Variants in PPIL6 observed in about 807,000 individuals in gnomAD.
The protein encoded by PPIL6 is peptidylprolyl isomerase like 6, also known as probable inactive peptidyl-prolyl cis-trans isomerase-like 6.
A neutral mutation model predicts 36.8 loss-of-function variants in PPIL6; 39 were observed. That is an observed-to-expected ratio of 1.06 (90% CI 0.82 to 1.38). The LOEUF (loss-of-function observed/expected upper bound fraction) is 1.38. Among genes scored for constraint, PPIL6 ranks in the 40% most tolerant of loss-of-function variants. The probability of loss-of-function intolerance (pLI) is 0.00; values close to 1 mark genes in which losing one functional copy is unlikely to be tolerated. For synonymous variants in PPIL6, 123 were observed against 134.1 expected (o/e 0.92, Z 0.57); for missense variants, 368 against 379.1 (o/e 0.97, Z 0.24).
rs574910018 is a variant in PPIL6, at chr6:109,428,761, C to T, written c.421-1605G>A. Among the ~76,000 whole-genome samples the T allele has an allele frequency of 1.1e-4, 16 of 151,958 alleles. No homozygotes were observed. In the East Asian group the frequency reaches 3.1e-3, roughly 29 times the overall value. On this transcript the variant is annotated intron_variant, in intron 3 of 7. Coordinates refer to ENST00000521072, the MANE Select transcript of PPIL6 (RefSeq NM_173672.5). ...CCATACTAATTATAATTAATTTGTG[C>T]CTCTCAGCTTCTATACTACAAGTTT... is the stretch of plus-strand genomic sequence containing the variant.
intron 6 of PPIL6, among the ~76,000 whole-genome samples, chr6:109,405,223 T>C (rs928791629): frequency 1.3e-5 from 2 of 152,188 alleles, no homozygotes; most frequent in African/African-American, 4.8e-5. Context: ...AAGTTCCTTG[T>C]CAAGCCCCTC....
At chr6:109,400,961 G>A (rs953825531) in intron 6 of PPIL6, among the ~76,000 whole-genome samples, 1 of 151,292 alleles carries the variant, frequency 6.6e-6, no homozygotes, top group African/African-American at 2.4e-5. Context: ...CCGGGTTCAC[G>A]CCATTCTCCT....
chr6:109,436,611 CT>C (rs1163298228), intron 1 of PPIL6, among the ~76,000 whole-genome samples: 1 of 152,110 alleles, frequency 6.6e-6, no homozygotes, highest in Non-Finnish European at 1.5e-5. Flanking sequence ...ATCCCAGCTA[CT>C]TGGGAGGCTG....
At chr6:109,433,732 A>G (rs1341675625) in intron 2 of PPIL6, among the ~76,000 whole-genome samples, 2 of 152,228 alleles carry the variant, frequency 1.3e-5, no homozygotes, top group Non-Finnish European at 2.9e-5. Flanking sequence ...ACAAGACACA[A>G]TACTTACATT....
intron 1 of PPIL6, chr6:109,440,234 A>G (rs4945831): frequency 0.47 from 292,914 of 623,208 alleles, 71,722 homozygotes; most frequent in African/African-American, 0.71. Flanking sequence ...TCCCTTTAAA[A>G]GTCGCCAAGT....
At chr6:109,441,134 T>G, upstream of PPIL6, 3 of 1,614,090 alleles carry the variant, frequency 1.9e-6, no homozygotes, top group Admixed American at 1.7e-5. Context: ...GAAGCCCAAC[T>G]TCTCCCTGCG....
intron 6 of PPIL6, among the ~76,000 whole-genome samples, chr6:109,414,477 C>CTTTTTTTTTTTTTTTTTTTTTTTTTTTT (rs146541023): frequency 1.2e-5 from 1 of 86,512 alleles, no homozygotes; most frequent in Non-Finnish European, 2.0e-5. Context: ...TGTCTTTTAG[C>CTTTTTTTTTTTTTTTTTTTTTTTTTTTT]TTTTTTTTTT....
intron 6 of PPIL6, among the ~76,000 whole-genome samples, chr6:109,415,191 T>G (rs1773193876): frequency 6.6e-6 from 1 of 152,226 alleles, no homozygotes; most frequent in South Asian, 2.1e-4. Context: ...CATTATAATT[T>G]GTTTGACTTT....
chr6:109,430,703 G>A (rs1774095807), intron 3 of PPIL6, among the ~76,000 whole-genome samples: 1 of 152,202 alleles, frequency 6.6e-6, no homozygotes, highest in African/African-American at 2.4e-5. Context: ...GGGATTACAG[G>A]CATGAGCCAC....
intron 7 of PPIL6, among the ~76,000 whole-genome samples, chr6:109,398,834 G>T (rs1031238045): frequency 2.6e-5 from 4 of 152,172 alleles, no homozygotes; most frequent in East Asian, 1.9e-4. Context: ...TAGTAATAAA[G>T]AATTGATAAT....
rs1315993048 is a variant in PPIL6, at chr6:109,440,580, G to C, written c.11C>G (p.Pro4Arg). MAR[P>R]QPCGPPHARC... ...AGCGTGCGGGGGCCCGCACGGCTGC[G>C]GCCTTGCCATGGCCGCGCCCGGGGA... is the stretch of plus-strand genomic sequence containing the variant. Residue 4 changes from proline (P) to arginine (R), a missense_variant, in exon 1 of 8, where the codon CCG becomes CGG. Coordinates refer to ENST00000521072, the MANE Select transcript of PPIL6 (RefSeq NM_173672.5). The C allele has an allele frequency of 1.4e-6, 2 of 1,384,538 alleles. No individual in the cohort carries two copies. The highest frequency in any genetic ancestry group is 3.8e-5 in the Admixed American group (1 of 26,194). 85.8% of individuals were successfully genotyped at this position (1,384,538 alleles called of 1,614,324 possible). A position where few individuals can be genotyped will look rare whatever the true frequency, so the allele number is the denominator to read the frequency against.
intron 1 of PPIL6, among the ~76,000 whole-genome samples, chr6:109,437,743 C>G (rs570313437): frequency 6.6e-6 from 1 of 151,820 alleles, no homozygotes; most frequent in South Asian, 2.1e-4. Flanking sequence ...TTAGCAGAGA[C>G]GAGGTTTCAC....
intron 2 of PPIL6, among the ~76,000 whole-genome samples, chr6:109,434,316 G>C (rs759349927): frequency 5.3e-5 from 8 of 152,128 alleles, no homozygotes; most frequent in Non-Finnish European, 7.3e-5. Flanking sequence ...AACACTTTGG[G>C]AGGCCAAGGT....
chr6:109,440,567 C>A lies in PPIL6; in HGVS notation c.24G>T (p.Gly8=). Residue 8 remains glycine, a synonymous_variant, in exon 1 of 8, where the codon GGG becomes GGT. Coordinates refer to ENST00000521072, the MANE Select transcript of PPIL6 (RefSeq NM_173672.5). ...GCGAGCCGCACCTAGCGTGCGGGGG[C>A]CCGCACGGCTGCGGCCTTGCCATGG... The part of the protein sequence containing the change: MARPQPC[G]PPHARCGSPS... The A allele has an allele frequency of 1.4e-6, 2 of 1,443,156 alleles. No individual in the cohort carries two copies. The highest frequency in any genetic ancestry group is 1.8e-6 in the Non-Finnish European group (2 of 1,101,208). The allele number at this position is 1,443,156 out of a possible 1,614,324, so 89.4% of individuals were successfully genotyped here.
chr6:109,394,715 G>A lies in PPIL6; in HGVS notation c.825-1778C>T, dbSNP rs183579120. On this transcript the variant is annotated intron_variant, in intron 7 of 7. Coordinates refer to ENST00000521072, the MANE Select transcript of PPIL6 (RefSeq NM_173672.5). ...GACAACATTCTGAGGATGAAGGGCA[G>A]AGGATAAATAGATTCATTTCTGTCC... Among the ~76,000 whole-genome samples, 464 of 152,356 alleles carry A rather than the reference G, an allele frequency of 3.0e-3. 2 individuals are homozygous for A. Among genetic ancestry groups the A allele is most frequent in the African/African-American group, 0.01 (436 of 41,586 alleles).
At chr6:109,425,865 T>G (rs573027460) in intron 5 of PPIL6, among the ~76,000 whole-genome samples, 6 of 152,008 alleles carry the variant, frequency 3.9e-5, no homozygotes, top group Non-Finnish European at 5.9e-5. Flanking sequence ...AAATGTTTTA[T>G]ACTAACAAAA....
At chr6:109,429,655 T>C (rs1011056866) in intron 3 of PPIL6, among the ~76,000 whole-genome samples, 1 of 152,140 alleles carries the variant, frequency 6.6e-6, no homozygotes, top group Non-Finnish European at 1.5e-5. Flanking sequence ...CACTGAAGCA[T>C]TGAACAGTTA....
intron 6 of PPIL6, among the ~76,000 whole-genome samples, chr6:109,409,323 A>G (rs1213473513): frequency 6.6e-6 from 1 of 152,222 alleles, no homozygotes; most frequent in Non-Finnish European, 1.5e-5. Context: ...GCACTTTGGA[A>G]GGCCAAGGCA....
chr6:109,400,777 A>G (rs1205312815), intron 6 of PPIL6, among the ~76,000 whole-genome samples: 1 of 152,206 alleles, frequency 6.6e-6, no homozygotes, highest in Non-Finnish European at 1.5e-5. Flanking sequence ...TTTCCATTCC[A>G]TGTACTTTCC....
Sources: gnomAD v4.1 joint callset for allele counts (sites outside exome capture counted in the v4.1 genomes callset) on GRCh38, gnomAD v4.1.1 for gene constraint, MANE v1.5 for transcripts, NCBI Gene and HGNC (gene_info 2026-07-23, HGNC 2026-07-21) for gene names.